The following CTNND2 variants were observed in gnomAD, a reference collection of about 807,000 sequenced individuals.
CTNND2 encodes catenin delta 2.
CTNND2 carries 22 observed loss-of-function variants against 144.4 expected under a neutral mutation model. The observed-to-expected ratio is 0.15, with a 90% confidence interval of 0.11 to 0.22. The LOEUF (loss-of-function observed/expected upper bound fraction) is 0.22. CTNND2 is among the 10% of genes least tolerant of loss of function. The pLI is 1.00. For synonymous variants in CTNND2, 751 were observed against 695.6 expected (o/e 1.08, Z -1.25); for missense variants, 1,353 against 1,618.8 (o/e 0.84, Z 2.82).
intron 11 of CTNND2, among the ~76,000 whole-genome samples, chr5:11,161,559 C>T (rs1313066717): frequency 1.3e-5 from 2 of 152,134 alleles, no homozygotes; most frequent in East Asian, 3.9e-4. Flanking sequence ...TGACTTCATT[C>T]ATTTCCAGCC....
At chr5:11,818,730 A>T (rs1387726956) in intron 1 of CTNND2, among the ~76,000 whole-genome samples, 1 of 152,158 alleles carries the variant, frequency 6.6e-6, no homozygotes, top group Non-Finnish European at 1.5e-5. Context: ...ATACTAGATT[A>T]AGCAAATTAA....
chr5:11,524,722 T>C (rs1271478629), intron 3 of CTNND2, among the ~76,000 whole-genome samples: 1 of 152,224 alleles, frequency 6.6e-6, no homozygotes, highest in Non-Finnish European at 1.5e-5. Flanking sequence ...AAAATGATTG[T>C]CAAAACAAAA....
intron 3 of CTNND2, among the ~76,000 whole-genome samples, chr5:11,432,445 T>C (rs1307514191): frequency 6.6e-6 from 1 of 152,162 alleles, no homozygotes; most frequent in Non-Finnish European, 1.5e-5. Context: ...TAACATGAGA[T>C]AAAGATGAAA....
chr5:11,440,295 T>G (rs1764150778), intron 3 of CTNND2, among the ~76,000 whole-genome samples: 1 of 152,354 alleles, frequency 6.6e-6, no homozygotes, highest in South Asian at 2.1e-4. Context: ...TGTTTCACCT[T>G]ATCTTAAACT....
intron 1 of CTNND2, among the ~76,000 whole-genome samples, chr5:11,856,262 T>G (rs1364301021): frequency 2.0e-5 from 3 of 152,156 alleles, no homozygotes; most frequent in Non-Finnish European, 4.4e-5. Context: ...AGTTCTGGAA[T>G]ATTGACTACA....
chr5:11,295,278 A>T (rs1748793116), intron 9 of CTNND2, among the ~76,000 whole-genome samples: 1 of 152,206 alleles, frequency 6.6e-6, no homozygotes, highest in Non-Finnish European at 1.5e-5. Flanking sequence ...CTTACAAGGG[A>T]CGTGAAGGAC....
At chr5:11,728,474 T>C (rs968775041) in intron 2 of CTNND2, among the ~76,000 whole-genome samples, 1 of 152,140 alleles carries the variant, frequency 6.6e-6, no homozygotes, top group Non-Finnish European at 1.5e-5. Context: ...CGACACTCCA[T>C]CTCAAAAACA....
chr5:11,773,758 C>A (rs1581860645), intron 1 of CTNND2, among the ~76,000 whole-genome samples: 1 of 147,088 alleles, frequency 6.8e-6, no homozygotes, highest in South Asian at 2.1e-4. Flanking sequence ...TTGCAGTGAG[C>A]CAAGATGGTG....
At chr5:11,632,273 G>C (rs942380904) in intron 2 of CTNND2, among the ~76,000 whole-genome samples, 1 of 152,100 alleles carries the variant, frequency 6.6e-6, no homozygotes, top group Non-Finnish European at 1.5e-5. Context: ...AGATTCATAG[G>C]GGGATGAAAA....
intron 12 of CTNND2, among the ~76,000 whole-genome samples, chr5:11,138,281 G>C (rs1756357378): frequency 6.6e-6 from 1 of 152,136 alleles, no homozygotes. Flanking sequence ...GGGCCCACTG[G>C]GAAAATCACA....
chr5:11,596,036 C>G (rs917498291), intron 2 of CTNND2, among the ~76,000 whole-genome samples: 1 of 152,166 alleles, frequency 6.6e-6, no homozygotes, highest in Non-Finnish European at 1.5e-5. Context: ...CATGCACACA[C>G]GCAAGCGCAA....
Position 11,903,898 on chromosome 5 carries a change from C to G in CTNND2, c.-45G>C. 2.1e-6 allele frequency: 3 copies of G among 1,405,448 alleles called. No homozygotes were observed. The highest frequency in any genetic ancestry group is 1.8e-6 in the Non-Finnish European group (2 of 1,087,016). 87.1% of individuals were successfully genotyped at this position (1,405,448 alleles called of 1,614,324 possible). On this transcript the variant is annotated 5_prime_UTR_variant, in exon 1 of 22. Coordinates refer to ENST00000304623, the MANE Select transcript of CTNND2 (RefSeq NM_001332.4). The surrounding 1 kb of genome is among the most constrained non-coding windows in gnomAD (Gnocchi z 5.4). ...GCTCCTCAGTCCGGGAAGAGGCGTG[C>G]GCGGCGCCGCCCGGCTTCAGGGCAA...
chr5:11,428,202 A>C (rs1762966679), intron 3 of CTNND2, among the ~76,000 whole-genome samples: 1 of 152,296 alleles, frequency 6.6e-6, no homozygotes, highest in East Asian at 1.9e-4. Flanking sequence ...ATCAACCCTA[A>C]AGACAAAGTC....
At chr5:10,986,076 C>G (rs1237739990) in intron 20 of CTNND2, among the ~76,000 whole-genome samples, 1 of 152,182 alleles carries the variant, frequency 6.6e-6, no homozygotes, top group Non-Finnish European at 1.5e-5. Flanking sequence ...TGGCTTGCTA[C>G]ATGATTGAGA....
intron 3 of CTNND2, among the ~76,000 whole-genome samples, chr5:11,479,431 G>T (rs537543502): frequency 6.6e-6 from 1 of 152,236 alleles, no homozygotes; most frequent in African/African-American, 2.4e-5. Flanking sequence ...ACATGTCTTT[G>T]CTATTGTGAA....
At chr5:11,685,621 A>G (rs58418510) in intron 2 of CTNND2, among the ~76,000 whole-genome samples, 18,463 of 152,238 alleles carry the variant, frequency 0.12, 3,716 homozygotes, top group African/African-American at 0.42. Context: ...TGGAAACTCT[A>G]AAGACTTTGC....
chr5:11,515,111 CA>C lies in CTNND2; in HGVS notation c.287+49832del, dbSNP rs5865953. On this transcript the variant is annotated intron_variant, in intron 3 of 21. Coordinates refer to ENST00000304623, the MANE Select transcript of CTNND2 (RefSeq NM_001332.4). ...AAACATGCATCCCATTAATGCACACCAAAAAAAAAAAAAAACGCATTTCCTA... is the reference window on the plus strand; with the variant it reads ...AAACATGCATCCCATTAATGCACACCAAAAAAAAAAAAAACGCATTTCCTA... 3.7e-3 allele frequency among the ~76,000 whole-genome samples: 498 copies of C among 135,496 alleles called. 5 individuals carry two copies. Among genetic ancestry groups the C allele is most frequent in the African/African-American group, 0.01 (379 of 36,740 alleles). The allele number at this position is 135,496 out of a possible 152,430, so 88.9% of individuals were successfully genotyped here.
chr5:11,272,497 C>T (rs961778922), intron 9 of CTNND2, among the ~76,000 whole-genome samples: 4 of 152,182 alleles, frequency 2.6e-5, no homozygotes, highest in African/African-American at 9.7e-5. Flanking sequence ...AAGTCTGACT[C>T]TTTCCTAAAA....
At chr5:11,656,729 G>A (rs547371128) in intron 2 of CTNND2, among the ~76,000 whole-genome samples, 64 of 152,234 alleles carry the variant, frequency 4.2e-4, no homozygotes, top group African/African-American at 1.4e-3. Context: ...TTGTAACTAT[G>A]CAAGCTCCGT....
Sources: allele counts gnomAD v4.1 joint callset (sites outside exome capture counted in the v4.1 genomes callset), GRCh38; gene constraint gnomAD v4.1.1; non-coding constraint Gnocchi (gnomAD v3.1); transcripts MANE v1.5; gene names NCBI Gene and HGNC (gene_info 2026-07-23, HGNC 2026-07-21).